TESK2: variants seen among roughly 807,000 people sequenced by gnomAD.
TESK2 encodes dual specificity testis-specific protein kinase 2.
A neutral mutation model predicts 57.1 loss-of-function variants in TESK2; 39 were observed. That is an observed-to-expected ratio of 0.68 (90% CI 0.53 to 0.89). The LOEUF (loss-of-function observed/expected upper bound fraction) is 0.89, where lower values mean the gene tolerates loss of function less well. TESK2 is among the 40% of genes least tolerant of loss of function. The probability of loss-of-function intolerance (pLI) is 0.00; values close to 1 mark genes in which losing one functional copy is unlikely to be tolerated. For synonymous variants in TESK2, 249 were observed against 267.9 expected (o/e 0.93, Z 0.69); for missense variants, 646 against 732.1 (o/e 0.88, Z 1.36).
rs754532156 is a variant in TESK2 at position 45,381,758 on chromosome 1, T to TA, written c.393+4153dup. Among the ~76,000 whole-genome samples, 141 of 144,710 alleles carry TA rather than the reference T, an allele frequency of 9.7e-4. 1 individual carries two copies. The highest frequency in any genetic ancestry group is 6.5e-3 in the East Asian group (33 of 5,052). 94.9% of individuals were successfully genotyped at this position (144,710 alleles called of 152,430 possible). ...CAATACACAGAATTATATTTTCTGT[T>TA]AAAAAAAAAACAAAGATTTACACTT... is the stretch of plus-strand genomic sequence containing the variant. On this transcript the variant is annotated intron_variant, in intron 4 of 10. Transcript: ENST00000372086.
chr1:45,465,160 C>T (rs1652493656), intron 1 of TESK2, among the ~76,000 whole-genome samples: 1 of 151,974 alleles, frequency 6.6e-6, no homozygotes, highest in South Asian at 2.1e-4. Flanking sequence ...CACTTGAACA[C>T]AGGAGGCGAA....
At position 45,365,606 on chromosome 1, in the gene TESK2, T is replaced by TG. The variant is rs879547566; in HGVS notation, c.394-10158dup. ...TCAGCTCGTTGCAACCTCCTCCTCT[T>TG]GCGTTCAAGTGATTCTCCTGCCTCT... On this transcript the variant is annotated intron_variant, in intron 4 of 10. Coordinates refer to ENST00000372086, the MANE Select transcript of TESK2 (RefSeq NM_007170.3). Among the ~76,000 whole-genome samples the TG allele has an allele frequency of 9.9e-5, 15 of 151,926 alleles. No homozygotes were observed. In the East Asian group the frequency reaches 2.7e-3, roughly 27 times the overall value.
At chr1:45,388,717 CTTTTT>C (rs34109075) in intron 3 of TESK2, among the ~76,000 whole-genome samples, 2 of 102,752 alleles carry the variant, frequency 1.9e-5, no homozygotes, top group South Asian at 7.0e-4. Context: ...AGAGGTACGG[CTTTTT>C]TTTTTTTTTT....
chr1:45,442,068 C>T (rs573535344), intron 2 of TESK2, among the ~76,000 whole-genome samples: 11 of 152,256 alleles, frequency 7.2e-5, no homozygotes, highest in African/African-American at 2.6e-4. Context: ...TCCCGAGTAG[C>T]TGGGATTACA....
chr1:45,490,532 G>A (rs914861938), intron 1 of TESK2, among the ~76,000 whole-genome samples: 2 of 152,184 alleles, frequency 1.3e-5, no homozygotes, highest in African/African-American at 4.8e-5. Flanking sequence ...TCAGTGGGGA[G>A]CTGGAAGTCT....
intron 4 of TESK2, among the ~76,000 whole-genome samples, chr1:45,367,616 A>G (rs1570655492): frequency 6.7e-6 from 1 of 148,894 alleles, no homozygotes; most frequent in Non-Finnish European, 1.5e-5. Context: ...CCCAAAGTGT[A>G]GGGATTACAG....
In TESK2 at chr1:45,421,785, C is replaced by G. The variant is rs201939248; in HGVS notation, c.284G>C (p.Arg95Pro). ...CTGTACTTCTTTCAGCATGTTTGCCCGGTTACTGCTCAATGTGTTCATCTT... is the reference window on the plus strand; with the variant it reads ...CTGTACTTCTTTCAGCATGTTTGCCGGGTTACTGCTCAATGTGTTCATCTT... ...ALKMNTLSSN[R>P]ANMLKEVQLM... The change falls in exon 3 of 11, where the codon CGG becomes CCG. Residue 95 changes from arginine to proline, a missense_variant. By Grantham distance (103) the Arg-to-Pro change is moderately radical. Transcript: ENST00000372086. The G allele has an allele frequency of 6.2e-7, 1 of 1,613,960 alleles. No individual in the cohort carries two copies. The highest frequency in any genetic ancestry group is 2.2e-5 in the East Asian group (1 of 44,870).
At position 45,415,231 on chromosome 1, in the gene TESK2, G is replaced by T. The variant is rs1279235876; in HGVS notation, c.344+6494C>A. On this transcript the variant is annotated intron_variant, in intron 3 of 10. Transcript: ENST00000372086. ...TGTCCGGTTGGATGGCAAGCATGTGGTCTTTGGCAAGGTGAAAGAAGGCAT... is the reference window on the plus strand; with the variant it reads ...TGTCCGGTTGGATGGCAAGCATGTGTTCTTTGGCAAGGTGAAAGAAGGCAT... 2.7e-6 allele frequency: 4 copies of T among 1,474,800 alleles called. No individual in the cohort carries two copies. The Admixed American group carries it at 6.7e-5, about 25-fold the overall frequency. 91.4% of individuals were successfully genotyped at this position (1,474,800 alleles called of 1,614,324 possible).
At chr1:45,472,973 T>TAAAAAAAAAA (rs1023886539) in intron 1 of TESK2, among the ~76,000 whole-genome samples, 7 of 100,802 alleles carry the variant, frequency 6.9e-5, no homozygotes, top group East Asian at 2.6e-4. Context: ...CTGTCTCTAC[T>TAAAAAAAAAA]AAAAAAAAAA....
intron 4 of TESK2, among the ~76,000 whole-genome samples, chr1:45,366,025 T>A (rs2149268470): frequency 6.6e-6 from 1 of 152,038 alleles, no homozygotes; most frequent in African/African-American, 2.4e-5. Context: ...GCCAGGCTGG[T>A]CTCAAACTCC....
At chr1:45,369,203 A>C (rs1251633050) in intron 4 of TESK2, among the ~76,000 whole-genome samples, 2 of 152,194 alleles carry the variant, frequency 1.3e-5, no homozygotes, top group Non-Finnish European at 2.9e-5. Context: ...AAAAGCTTTA[A>C]TAAATGAAAG....
intron 1 of TESK2, among the ~76,000 whole-genome samples, chr1:45,476,818 G>C (rs1465864671): frequency 6.6e-6 from 1 of 151,934 alleles, no homozygotes; most frequent in Non-Finnish European, 1.5e-5. Context: ...CTGCACTCCA[G>C]CCTGGGAGAT....
At chr1:45,463,169 C>A (rs1652403932) in intron 1 of TESK2, among the ~76,000 whole-genome samples, 1 of 152,128 alleles carries the variant, frequency 6.6e-6, no homozygotes, top group Admixed American at 6.5e-5. Context: ...AATATTTTCT[C>A]CCATTCTGTG....
chr1:45,448,360 T>C (rs955731839), intron 2 of TESK2, among the ~76,000 whole-genome samples: 1 of 152,082 alleles, frequency 6.6e-6, no homozygotes, highest in Non-Finnish European at 1.5e-5. Context: ...CAACATCATA[T>C]GTTGTGTTAG....
chr1:45,431,159 C>T (rs993560693), intron 2 of TESK2, among the ~76,000 whole-genome samples: 14 of 152,348 alleles, frequency 9.2e-5, no homozygotes, highest in Admixed American at 7.8e-4. Context: ...TGGCTCACGC[C>T]TGCAATCCCA....
intron 2 of TESK2, among the ~76,000 whole-genome samples, chr1:45,445,624 CAAAAAAA>C (rs747691865): frequency 1.9e-4 from 21 of 108,086 alleles, no homozygotes; most frequent in African/African-American, 3.5e-5. Context: ...CTGTCTCTAC[CAAAAAAA>C]AAAAAAAAAA....
chr1:45,420,509 G>A (rs965643201), intron 3 of TESK2, among the ~76,000 whole-genome samples: 2 of 151,190 alleles, frequency 1.3e-5, no homozygotes, highest in African/African-American at 4.9e-5. Context: ...CACCCACCTT[G>A]GCCTCCCAAA....
At chr1:45,355,213 C>T in intron 5 of TESK2, 90 bp downstream of exon 5, 1 of 1,412,806 alleles carries the variant, frequency 7.1e-7, no homozygotes, top group Non-Finnish European at 9.7e-7. Context: ...ATTATGTCCT[C>T]TGTGATTAAA....
rs138251683 is a variant in TESK2 at position 45,370,601 on chromosome 1, C to T, written c.394-15152G>A. Among the ~76,000 whole-genome samples the T allele has an allele frequency of 2.6e-3, 391 of 152,206 alleles. 3 individuals carry two copies. The highest frequency in any genetic ancestry group is 9.1e-3 in the African/African-American group (377 of 41,508). On this transcript the variant is annotated intron_variant, in intron 4 of 10. Transcript: ENST00000372086. Reference sequence around the variant, plus strand: ...ACTCTTGGAAGATCAGAAAAGGCTTCCCAGAGAAAATGAATTCTAAGCTGG... The same window carrying T: ...ACTCTTGGAAGATCAGAAAAGGCTTTCCAGAGAAAATGAATTCTAAGCTGG...
Sources: gnomAD v4.1 joint callset for allele counts (sites outside exome capture counted in the v4.1 genomes callset) on GRCh38, gnomAD v4.1.1 for gene constraint, MANE v1.5 for transcripts, NCBI Gene and HGNC (gene_info 2026-07-23, HGNC 2026-07-21) for gene names.